The following CNTNAP2 variants were observed in gnomAD, a reference collection of about 807,000 sequenced individuals.
CNTNAP2 encodes contactin-associated protein-like 2.
CNTNAP2 carries 98 observed loss-of-function variants against 155.2 expected under a neutral mutation model. The observed-to-expected ratio is 0.63, with a 90% CI of 0.54 to 0.75. CNTNAP2 has a LOEUF of 0.75. Among genes scored for constraint, CNTNAP2 ranks in the 30% least tolerant of loss-of-function variants. The pLI is 0.00. For synonymous variants in CNTNAP2, 651 were observed against 631.2 expected, an observed-to-expected ratio of 1.03 and a Z score of -0.47; for missense variants, 1,727 against 1,688.1, an observed-to-expected ratio of 1.02 and a Z score of -0.40.
intron 4 of CNTNAP2, among the ~76,000 whole-genome samples, chr7:147,084,281 ATATG>A (rs1800217964): frequency 1.2e-4 from 4 of 32,266 alleles, no homozygotes; most frequent in African/African-American, 1.6e-4. Flanking sequence ...TATAATACAT[ATATG>A]CATAATGCTA....
chr7:147,135,536 A>G (rs946273354), intron 8 of CNTNAP2, among the ~76,000 whole-genome samples: 2 of 151,848 alleles, frequency 1.3e-5, no homozygotes, highest in Admixed American at 6.6e-5. Flanking sequence ...CAGGTGCAAA[A>G]AGGGTCTAAT....
At chr7:147,591,292 T>C (rs188249918) in intron 12 of CNTNAP2, among the ~76,000 whole-genome samples, 16 of 152,312 alleles carry the variant, frequency 1.1e-4, no homozygotes, top group Admixed American at 4.6e-4. Flanking sequence ...TCTGTAGGTT[T>C]ATTTTTTTGT....
At chr7:147,955,258 A>G (rs1801000661) in intron 14 of CNTNAP2, among the ~76,000 whole-genome samples, 1 of 152,226 alleles carries the variant, frequency 6.6e-6, no homozygotes, top group Admixed American at 6.5e-5. Flanking sequence ...ACATATCAGA[A>G]TTTCATGTAT....
intron 1 of CNTNAP2, among the ~76,000 whole-genome samples, chr7:146,628,582 A>G (rs1799459108): frequency 6.6e-6 from 1 of 152,134 alleles, no homozygotes; most frequent in South Asian, 2.1e-4. Context: ...TCAAAATATA[A>G]TGTGGCATAT....
chr7:146,584,947 A>G (rs1798664717), intron 1 of CNTNAP2, among the ~76,000 whole-genome samples: 1 of 152,126 alleles, frequency 6.6e-6, no homozygotes, highest in Admixed American at 6.5e-5. Context: ...TGAGGCATCA[A>G]AGTGACACCT....
chr7:148,003,869 C>T (rs566342707), intron 15 of CNTNAP2, among the ~76,000 whole-genome samples: 6 of 152,268 alleles, frequency 3.9e-5, no homozygotes, highest in African/African-American at 1.4e-4. Flanking sequence ...CTCTGTATTC[C>T]CAATGCCTAG....
At chr7:147,658,235 A>G (rs6979639) in intron 13 of CNTNAP2, among the ~76,000 whole-genome samples, 1 of 111,440 alleles carries the variant, frequency 9.0e-6, no homozygotes. Context: ...CCAGCCTGGG[A>G]GACAGAGCGA....
intron 9 of CNTNAP2, among the ~76,000 whole-genome samples, chr7:147,348,533 T>C (rs1795916738): frequency 6.6e-6 from 1 of 152,080 alleles, no homozygotes; most frequent in Admixed American, 6.6e-5. Context: ...GGAACTCTTA[T>C]ATGCTATTGG....
intron 12 of CNTNAP2, among the ~76,000 whole-genome samples, chr7:147,567,436 G>C (rs560920521): frequency 6.6e-6 from 1 of 152,224 alleles, no homozygotes; most frequent in South Asian, 2.1e-4. Context: ...ACATCACTTT[G>C]ACAGCTGTGA....
At chr7:146,519,794 A>G (rs1455034785) in intron 1 of CNTNAP2, among the ~76,000 whole-genome samples, 2 of 151,864 alleles carry the variant, frequency 1.3e-5, no homozygotes, top group African/African-American at 2.4e-5. Flanking sequence ...AATAGTGCAT[A>G]TATAATCAGT....
intron 1 of CNTNAP2, among the ~76,000 whole-genome samples, chr7:146,505,515 C>A (rs1253573295): frequency 6.6e-6 from 1 of 152,180 alleles, no homozygotes; most frequent in Admixed American, 6.5e-5. Flanking sequence ...TCATAATAGG[C>A]CACACAGGAA....
chr7:146,949,365 A>G (rs1473700247), intron 3 of CNTNAP2, among the ~76,000 whole-genome samples: 1 of 152,142 alleles, frequency 6.6e-6, no homozygotes, highest in East Asian at 1.9e-4. Context: ...TCTGAACTAC[A>G]TCGGTACTTC....
chr7:147,900,726 C>T (rs1014971040), intron 13 of CNTNAP2, among the ~76,000 whole-genome samples: 1 of 152,174 alleles, frequency 6.6e-6, no homozygotes, highest in Admixed American at 6.5e-5. Flanking sequence ...AAGCAATTCT[C>T]CTGCCTCAGC....
intron 1 of CNTNAP2, among the ~76,000 whole-genome samples, chr7:146,384,075 A>G (rs1795427749): frequency 6.6e-6 from 1 of 152,218 alleles, no homozygotes; most frequent in Non-Finnish European, 1.5e-5. Flanking sequence ...GACTCTGGGC[A>G]TCCAAAGTCT....
At chr7:146,476,186 T>G (rs1796874917) in intron 1 of CNTNAP2, among the ~76,000 whole-genome samples, 1 of 152,202 alleles carries the variant, frequency 6.6e-6, no homozygotes, top group Non-Finnish European at 1.5e-5. Context: ...CTTTTGCCTT[T>G]AAGTACAAAT....
chr7:147,410,364 A>G (rs2116486817), intron 10 of CNTNAP2, among the ~76,000 whole-genome samples: 1 of 152,330 alleles, frequency 6.6e-6, no homozygotes, highest in East Asian at 1.9e-4. Context: ...CATAGAGGGG[A>G]AAACCACACA....
intron 1 of CNTNAP2, among the ~76,000 whole-genome samples, chr7:146,676,225 A>G (rs1212079358): frequency 6.6e-6 from 1 of 152,228 alleles, no homozygotes; most frequent in African/African-American, 2.4e-5. Flanking sequence ...AATTATCAAT[A>G]AATATGCGAA....
intron 2 of CNTNAP2, among the ~76,000 whole-genome samples, chr7:146,801,298 C>T (rs1456092669): frequency 2.0e-5 from 3 of 152,174 alleles, no homozygotes; most frequent in Admixed American, 6.5e-5. Flanking sequence ...GATCCACCCC[C>T]ATGATCCAAA....
intron 1 of CNTNAP2, among the ~76,000 whole-genome samples, chr7:146,755,222 G>A (rs1378443015): frequency 3.9e-5 from 6 of 151,982 alleles, no homozygotes; most frequent in African/African-American, 9.6e-5. Flanking sequence ...TGGTGTTGTC[G>A]GTTACTTTGC....
Sources: allele counts gnomAD v4.1 joint callset (sites outside exome capture counted in the v4.1 genomes callset), GRCh38; gene constraint gnomAD v4.1.1; transcripts MANE v1.5; gene names NCBI Gene and HGNC (gene_info 2026-07-23, HGNC 2026-07-21).